PINX1: variants seen among roughly 807,000 people sequenced by gnomAD.
PINX1 encodes PIN2/TERF1-interacting telomerase inhibitor 1.
PINX1 carries 34 observed loss-of-function variants against 25.4 expected under a neutral mutation model. The observed-to-expected ratio is 1.34, with a 90% CI of 1.02 to 1.78. The LOEUF is 1.78. Among genes scored for constraint, PINX1 ranks in the 40% most tolerant of loss-of-function variants. The pLI, the probability that PINX1 is intolerant of heterozygous loss-of-function variation, is 0.00. For missense variants in PINX1, 592 were observed against 404.9 expected, an observed-to-expected ratio of 1.46 and a Z score of -3.97; for synonymous variants, 197 against 147.7, an observed-to-expected ratio of 1.33 and a Z score of -2.42.
At chr8:10,784,739 A>G (rs1801694205) in intron 6 of PINX1, among the ~76,000 whole-genome samples, 1 of 152,258 alleles carries the variant, frequency 6.6e-6, no homozygotes, top group Non-Finnish European at 1.5e-5. Flanking sequence ...CAGAACGTGA[A>G]TTAAAGGAGC....
At chr8:10,809,216 G>A (rs1253271346) in intron 6 of PINX1, among the ~76,000 whole-genome samples, 1 of 152,190 alleles carries the variant, frequency 6.6e-6, no homozygotes, top group African/African-American at 2.4e-5. Context: ...GCTCCCTTCA[G>A]TTCCCCTTCA....
chr8:10,826,154 T>G lies in PINX1; in HGVS notation c.392A>C (p.Lys131Thr). 1 of 1,517,936 alleles carries G rather than the reference T, an allele frequency of 6.6e-7. No homozygotes were observed. The highest frequency in any genetic ancestry group is 9.1e-7 in the Non-Finnish European group (1 of 1,101,374). The allele number at this position is 1,517,936 out of a possible 1,614,324, so 94.0% of individuals were successfully genotyped here. Residue 131 changes from lysine to threonine, a missense_variant and splice_region_variant, in exon 5 of 7, where the codon AAA becomes ACA. Lys to Thr is a moderately conservative substitution (Grantham distance 78, BLOSUM62 -1). Coordinates refer to ENST00000314787, the MANE Select transcript of PINX1 (RefSeq NM_017884.6). ...AGTAAAGAAATGCTTAATCTTACCT[T>G]TTGTGAATTTCATATAGTGAACACG... is the stretch of plus-strand genomic sequence containing the variant. ...KNRVHYMKFT[K>T]GKDLSSRSKT... is the part of the protein sequence containing the mutation.
intron 6 of PINX1, among the ~76,000 whole-genome samples, chr8:10,793,266 C>A (rs1030176621): frequency 4.6e-5 from 7 of 152,166 alleles, no homozygotes; most frequent in Non-Finnish European, 1.0e-4. Context: ...AACTGGTCTA[C>A]AAACCAAATT....
intron 2 of PINX1, chr8:10,833,698 G>C (rs1798301108): frequency 1.0e-5 from 1 of 99,172 alleles, no homozygotes; most frequent in East Asian, 2.6e-4. Context: ...CGGGAGGCTG[G>C]AGAAGAATGA....
At chr8:10,781,879 A>C (rs1330185292) in intron 6 of PINX1, among the ~76,000 whole-genome samples, 1 of 152,208 alleles carries the variant, frequency 6.6e-6, no homozygotes, top group Non-Finnish European at 1.5e-5. Context: ...AGATGCCTGC[A>C]GTCCCATGTT....
chr8:10,828,826 G>A (rs559039972), intron 4 of PINX1, among the ~76,000 whole-genome samples: 104 of 152,258 alleles, frequency 6.8e-4, no homozygotes, highest in African/African-American at 2.4e-3. Context: ...CGGGATCAAT[G>A]AGGGACAAGG....
chr8:10,770,071 T>C (rs1801176536), intron 6 of PINX1, among the ~76,000 whole-genome samples: 3 of 152,234 alleles, frequency 2.0e-5, no homozygotes, highest in Admixed American at 2.0e-4. Flanking sequence ...TTTATCAAAC[T>C]AGCATGTACA....
At chr8:10,770,876 T>C (rs1304359661) in intron 6 of PINX1, among the ~76,000 whole-genome samples, 1 of 152,228 alleles carries the variant, frequency 6.6e-6, no homozygotes, top group Non-Finnish European at 1.5e-5. Flanking sequence ...ATGGAAGCTT[T>C]CTTATTTCCA....
At chr8:10,788,536 C>T (rs2129075655) in intron 6 of PINX1, among the ~76,000 whole-genome samples, 1 of 151,818 alleles carries the variant, frequency 6.6e-6, no homozygotes, top group South Asian at 2.1e-4. Flanking sequence ...CTGCACTCTA[C>T]CTTGGAAGAC....
chr8:10,795,859 C>G (rs1228273790), intron 6 of PINX1, among the ~76,000 whole-genome samples: 8 of 149,758 alleles, frequency 5.3e-5, no homozygotes, highest in Non-Finnish European at 1.1e-4. Context: ...AGGCCCTATT[C>G]ACAAATCCCA....
At chr8:10,830,007 C>G (rs1306121342) in intron 4 of PINX1, among the ~76,000 whole-genome samples, 4 of 152,178 alleles carry the variant, frequency 2.6e-5, no homozygotes, top group Non-Finnish European at 5.9e-5. Flanking sequence ...CTACTGAGTT[C>G]AACTGTGATC....
chr8:10,769,588 G>C (rs1801162403), intron 6 of PINX1, among the ~76,000 whole-genome samples: 1 of 152,170 alleles, frequency 6.6e-6, no homozygotes, highest in Non-Finnish European at 1.5e-5. Context: ...GTGTCCTGAG[G>C]AAGGCAGCTA....
chr8:10,831,966 G>A (rs978059107), intron 3 of PINX1, among the ~76,000 whole-genome samples: 1 of 152,130 alleles, frequency 6.6e-6, no homozygotes, highest in African/African-American at 2.4e-5. Context: ...GAAGCTTAAG[G>A]CCTGATTTCA....
At position 10,839,706 on chromosome 8, in the gene PINX1, G is replaced by T. The variant is rs553176366; in HGVS notation, c.19+32C>A. 91 of 1,595,470 alleles carry T rather than the reference G, an allele frequency of 5.7e-5. No individual in the cohort carries two copies. In the South Asian group the frequency reaches 9.8e-4, roughly 17 times the overall value. On this transcript the variant is annotated intron_variant, in intron 1 of 6. Transcript: ENST00000314787. ...CGTCACCCGGCATCTTCACCAACGC[G>T]CCTGGGTCGGGCCTCCGCTTCCGAC...
intron 4 of PINX1, among the ~76,000 whole-genome samples, chr8:10,828,059 G>T (rs183973693): frequency 6.6e-6 from 1 of 152,172 alleles, no homozygotes; most frequent in Non-Finnish European, 1.5e-5. Flanking sequence ...CCCCTCCCAG[G>T]AGTCACTTAT....
At chr8:10,793,697 T>G (rs1006248362) in intron 6 of PINX1, among the ~76,000 whole-genome samples, 1 of 151,336 alleles carries the variant, frequency 6.6e-6, no homozygotes, top group Non-Finnish European at 1.5e-5. Context: ...TTAATTTCAA[T>G]AGCCAGAAAA....
At chr8:10,801,185 C>A (rs1190183572) in intron 6 of PINX1, among the ~76,000 whole-genome samples, 1 of 152,154 alleles carries the variant, frequency 6.6e-6, no homozygotes, top group Non-Finnish European at 1.5e-5. Flanking sequence ...TCACGCCTAT[C>A]CTGCAGAAAG....
At position 10,839,770 on chromosome 8, in the gene PINX1, T is replaced by G. The variant is rs1239892154; in HGVS notation, c.-14A>C. On this transcript the variant is annotated 5_prime_UTR_variant, in exon 1 of 7. Coordinates refer to ENST00000314787, the MANE Select transcript of PINX1 (RefSeq NM_017884.6). The stretch of plus-strand genomic sequence containing the variant: ...CAGCATAGACATGTCGGAGAGCCTG[T>G]GATACCGCCGCCTCTGGACCTGGGT... 1 of 1,601,558 alleles carries G rather than the reference T, an allele frequency of 6.2e-7. No individual in the cohort carries two copies. Among genetic ancestry groups the G allele is most frequent in the East Asian group, 2.3e-5 (1 of 44,288 alleles).
chr8:10,818,007 G>A (rs751248864), intron 6 of PINX1, among the ~76,000 whole-genome samples: 1 of 152,070 alleles, frequency 6.6e-6, no homozygotes, highest in Non-Finnish European at 1.5e-5. Flanking sequence ...TAATTTAATC[G>A]GTCTTGGGCA....
Sources: allele counts gnomAD v4.1 joint callset (sites outside exome capture counted in the v4.1 genomes callset), GRCh38; gene constraint gnomAD v4.1.1; transcripts MANE v1.5; gene names NCBI Gene and HGNC (gene_info 2026-07-23, HGNC 2026-07-21).